TCF12: variants seen among roughly 807,000 people sequenced by gnomAD.
TCF12 encodes transcription factor 12, also known as DNA-binding protein HTF4.
TCF12 carries 45 observed loss-of-function variants against 86.0 expected under a neutral mutation model. That is an observed-to-expected ratio of 0.52 (90% CI 0.41 to 0.67). The LOEUF is 0.67. Ranked by LOEUF, TCF12 falls within the 30% of genes least tolerant of loss-of-function variation. TCF12 has a pLI of 0.00. For synonymous variants in TCF12, 330 were observed against 299.6 expected (o/e 1.10, Z -1.05); for missense variants, 881 against 859.9 (o/e 1.02, Z -0.31).
At chr15:56,925,418 G>T (rs184027913) in intron 3 of TCF12, among the ~76,000 whole-genome samples, 10 of 152,150 alleles carry the variant, frequency 6.6e-5, no homozygotes, top group Admixed American at 5.2e-4. Flanking sequence ...TGTCTTCAAG[G>T]TATCCTTTGC....
At chr15:57,247,330 G>T in intron 13 of TCF12, 1 of 655,574 alleles carries the variant, frequency 1.5e-6, no homozygotes, top group Non-Finnish European at 2.8e-6. Flanking sequence ...TTCCATCAGA[G>T]TTTCCACCAC....
chr15:56,993,298 A>G (rs1401854289), intron 3 of TCF12, among the ~76,000 whole-genome samples: 1 of 152,148 alleles, frequency 6.6e-6, no homozygotes, highest in Non-Finnish European at 1.5e-5. Flanking sequence ...ACCGTGTGGT[A>G]ATGGCAGCAG....
chr15:56,944,617 T>A (rs1461169873), intron 3 of TCF12, among the ~76,000 whole-genome samples: 1 of 152,230 alleles, frequency 6.6e-6, no homozygotes, highest in East Asian at 1.9e-4. Context: ...AGTAGAAAGA[T>A]TGGCTGGCAG....
chr15:57,048,962 C>A (rs567265719), intron 3 of TCF12, among the ~76,000 whole-genome samples: 1 of 152,270 alleles, frequency 6.6e-6, no homozygotes, highest in South Asian at 2.1e-4. Context: ...ACTTACTTCT[C>A]CAGCTGCTGG....
intron 3 of TCF12, among the ~76,000 whole-genome samples, chr15:56,940,734 C>A (rs1417923602): frequency 2.8e-5 from 3 of 107,378 alleles, no homozygotes; most frequent in African/African-American, 4.2e-5. Flanking sequence ...CCTTCTCTCC[C>A]CCCCCTTCTC....
At chr15:56,967,876 C>A (rs1284729129) in intron 3 of TCF12, among the ~76,000 whole-genome samples, 1 of 151,678 alleles carries the variant, frequency 6.6e-6, no homozygotes, top group Non-Finnish European at 1.5e-5. Context: ...TTTTTTTAAG[C>A]GAGTTAAGTA....
intron 17 of TCF12, 84 bp downstream of exon 17, chr15:57,262,292 A>G (rs2060625457): frequency 2.0e-6 from 2 of 1,013,292 alleles, no homozygotes; most frequent in Non-Finnish European, 2.9e-6. Flanking sequence ...CTGGATTGAC[A>G]TCTGTGAATC....
rs1048003667 is a variant in TCF12, at chr15:57,184,747, C to T, written c.391-7411C>T. Among the ~76,000 whole-genome samples, 46 of 151,736 alleles carry T rather than the reference C, an allele frequency of 3.0e-4. 1 individual carries two copies. The highest frequency in any genetic ancestry group is 5.9e-5 in the Non-Finnish European group (4 of 67,952). The stretch of plus-strand genomic sequence containing the variant: ...CAATATTGAATGTGCCCAGCCTGAG[C>T]AAAATAAAAGAAGGAAATTCAAAAC... On this transcript the variant is annotated intron_variant, in intron 6 of 20. Coordinates refer to ENST00000333725, the MANE Select transcript of TCF12 (RefSeq NM_207037.2).
intron 3 of TCF12, among the ~76,000 whole-genome samples, chr15:56,990,869 A>G (rs1765937432): frequency 6.6e-6 from 1 of 151,204 alleles, no homozygotes; most frequent in Non-Finnish European, 1.5e-5. Flanking sequence ...ATCATGGCTC[A>G]CTGGAGCCTC....
At position 57,231,245 on chromosome 15, in the gene TCF12, T is replaced by C; in HGVS notation, c.673T>C (p.Phe225Leu). 6.2e-7 allele frequency: 1 copy of C among 1,611,074 alleles called. No individual in the cohort carries two copies. The highest frequency in any genetic ancestry group is 8.5e-7 in the Non-Finnish European group (1 of 1,177,438). Residue 225 changes from phenylalanine (F) to leucine (L), a missense_variant, in exon 9 of 21, where the codon TTC (phenylalanine) becomes CTC (leucine). Around this residue, in one of 3 missense-constraint regions of TCF12, gnomAD observed 766 missense variants for 718.9 expected, o/e 1.07. Transcript: ENST00000333725. ...ACCAACCAGTATGTTCGCTAGCACT[T>C]TCTTTATGCAAGGTAAGTACTACCA... Reference protein sequence around the residue: ...KPPTSMFASTFFMQDGTHNSS... With the variant: ...KPPTSMFASTLFMQDGTHNSS...
At chr15:57,045,435 C>A (rs1262442672) in intron 3 of TCF12, among the ~76,000 whole-genome samples, 1 of 152,118 alleles carries the variant, frequency 6.6e-6, no homozygotes, top group African/African-American at 2.4e-5. Flanking sequence ...CTTTAAAGAG[C>A]AGTGGGATCA....
chr15:57,156,865 T>G (rs1405158991), intron 5 of TCF12, among the ~76,000 whole-genome samples: 2 of 152,222 alleles, frequency 1.3e-5, no homozygotes, highest in Non-Finnish European at 2.9e-5. Flanking sequence ...AGCCTAATGT[T>G]CTGCTTATCA....
intron 8 of TCF12, among the ~76,000 whole-genome samples, chr15:57,199,247 A>G (rs2057416975): frequency 6.6e-6 from 1 of 152,200 alleles, no homozygotes; most frequent in Non-Finnish European, 1.5e-5. Context: ...TTACATTTTA[A>G]CAGTTGTGTG....
At chr15:57,080,244 A>T (rs2070508479) in intron 4 of TCF12, among the ~76,000 whole-genome samples, 1 of 152,202 alleles carries the variant, frequency 6.6e-6, no homozygotes, top group African/African-American at 2.4e-5. Context: ...TACCTCTCAT[A>T]ACTTGATAGT....
rs114751405 is a variant in TCF12, at chr15:57,239,047, G to A, written c.1036-4425G>A. On this transcript the variant is annotated intron_variant, in intron 12 of 20. Transcript: ENST00000333725. Reference sequence around the variant, plus strand: ...AAAAAATATTTTGTTTGCATAATAGGGTATGTAGGTTAAAAGTAGACTATA... The same window carrying A: ...AAAAAATATTTTGTTTGCATAATAGAGTATGTAGGTTAAAAGTAGACTATA... Among the ~76,000 whole-genome samples, 608 of 152,224 alleles carry A rather than the reference G, an allele frequency of 4.0e-3. 2 individuals carry two copies. Among genetic ancestry groups the A allele is most frequent in the African/African-American group, 0.014 (589 of 41,556 alleles).
intron 3 of TCF12, among the ~76,000 whole-genome samples, chr15:56,998,742 T>C (rs1345407571): frequency 6.6e-6 from 1 of 152,204 alleles, no homozygotes; most frequent in Non-Finnish European, 1.5e-5. Context: ...ATATACATTC[T>C]TTCCAAGGGA....
At chr15:57,232,073 T>C (rs2059162174) in intron 9 of TCF12, among the ~76,000 whole-genome samples, 1 of 152,230 alleles carries the variant, frequency 6.6e-6, no homozygotes, top group Admixed American at 6.5e-5. Flanking sequence ...ATGGCCTGCC[T>C]ATTACAGCTT....
intron 5 of TCF12, among the ~76,000 whole-genome samples, chr15:57,144,268 T>TA (rs2053201702): frequency 6.6e-6 from 1 of 152,120 alleles, no homozygotes; most frequent in Non-Finnish European, 1.5e-5. Flanking sequence ...AAGGGATAGA[T>TA]ACGAGGCACA....
Position 57,273,242 on chromosome 15 carries a change from G to C in TCF12, c.1958G>C (p.Ser653Thr). The C allele has an allele frequency of 6.2e-7, 1 of 1,614,068 alleles. No individual in the cohort carries two copies. Among genetic ancestry groups the C allele is most frequent in the Non-Finnish European group, 8.5e-7 (1 of 1,179,982 alleles). The part of the protein sequence containing the change: ...ILHQAVAVIL[S>T]LEQQVRERNL... ...CATCAAGCCGTGGCAGTCATCCTTA[G>C]TCTAGAACAGCAAGTCAGAGGTAAG... Residue 653 changes from serine (S) to threonine (T), a missense_variant, in exon 19 of 21, where the codon AGT (serine) becomes ACT (threonine). Physicochemically the swap from Ser to Thr is moderately conservative, Grantham distance 58. This residue lies in a region of TCF12 where 46 missense variants were observed against 76.7 expected (regional missense o/e 0.60). Coordinates refer to ENST00000333725, the MANE Select transcript of TCF12 (RefSeq NM_207037.2).
Sources: gnomAD v4.1 joint callset for allele counts (sites outside exome capture counted in the v4.1 genomes callset) on GRCh38, gnomAD v4.1.1 for gene constraint, gnomAD v4.1.1 regional missense constraint, MANE v1.5 for transcripts, NCBI Gene and HGNC (gene_info 2026-07-23, HGNC 2026-07-21) for gene names.